The following HPCAL1 variants were observed in gnomAD, a reference collection of about 807,000 sequenced individuals.
HPCAL1 encodes hippocalcin like 1.
A neutral mutation model predicts 17.1 loss-of-function variants in HPCAL1; 8 were observed. That is an observed-to-expected ratio of 0.47 (90% CI 0.27 to 0.84). The LOEUF (loss-of-function observed/expected upper bound fraction) is 0.84. HPCAL1 is among the 40% of genes least tolerant of loss of function. The pLI, the probability that HPCAL1 is intolerant of heterozygous loss-of-function variation, is 0.13. For synonymous variants in HPCAL1, 112 were observed against 111.4 expected (o/e 1.01, Z -0.03); for missense variants, 165 against 271.1 (o/e 0.61, Z 2.75).
intron 2 of HPCAL1, among the ~76,000 whole-genome samples, chr2:10,412,898 A>T (rs1479400682): frequency 6.6e-6 from 1 of 152,140 alleles, no homozygotes; most frequent in Non-Finnish European, 1.5e-5. Context: ...TCATAGGCAC[A>T]GTCTTTCTTT....
chr2:10,407,665 C>T (rs1208788828), intron 2 of HPCAL1, among the ~76,000 whole-genome samples: 1 of 152,106 alleles, frequency 6.6e-6, no homozygotes, highest in African/African-American at 2.4e-5. Flanking sequence ...GAGGAGGTTT[C>T]CCCACGACTG....
rs190594463 is a variant in HPCAL1 at position 10,310,737 on chromosome 2, C to T, written c.-111+7560C>T. The stretch of plus-strand genomic sequence containing the variant: ...AGCATGGATCGGGTCTGGGAGTGTT[C>T]GTGCTGGCAGGCCGGAGGAGGACTG... On this transcript the variant is annotated intron_variant, in intron 1 of 4. Transcript: ENST00000307845. The surrounding 1 kb of genome is among the most constrained non-coding windows in gnomAD (Gnocchi z 4.5). Among the ~76,000 whole-genome samples, 1 of 152,070 alleles carries T rather than the reference C, an allele frequency of 6.6e-6. No individual in the cohort carries two copies. The highest frequency in any genetic ancestry group is 2.1e-4 in the South Asian group (1 of 4,822).
At chr2:10,418,111 G>A (rs1052827148) in intron 2 of HPCAL1, among the ~76,000 whole-genome samples, 3 of 151,932 alleles carry the variant, frequency 2.0e-5, no homozygotes, top group African/African-American at 7.2e-5. Context: ...ACAAAAACAT[G>A]TATGTACTAT....
At chr2:10,385,297 T>C (rs1668235749) in intron 1 of HPCAL1, among the ~76,000 whole-genome samples, 1 of 152,116 alleles carries the variant, frequency 6.6e-6, no homozygotes, top group Admixed American at 6.5e-5. Flanking sequence ...CTTACGTCCC[T>C]GGGGGACTCC....
chr2:10,326,152 G>C, intron 1 of HPCAL1, among the ~76,000 whole-genome samples: 1 of 152,178 alleles, frequency 6.6e-6, no homozygotes, highest in East Asian at 1.9e-4. Flanking sequence ...GTGAACAAAG[G>C]CATCCCAGAC....
intron 1 of HPCAL1, among the ~76,000 whole-genome samples, chr2:10,380,082 C>T (rs1411303161): frequency 1.4e-5 from 2 of 144,958 alleles, no homozygotes; most frequent in African/African-American, 2.6e-5. Flanking sequence ...TTTAATTGCA[C>T]GAGTACCTGC....
rs1670909327 is a variant in HPCAL1 at position 10,419,669 on chromosome 2, G to A, written c.-24-65G>A. ...AGCGATGGGCTTATTTGGTCTCTCC[G>A]GCACATGGCTCAGCCCTGCTCCGTG... On this transcript the variant is annotated intron_variant, in intron 2 of 4. Coordinates refer to ENST00000307845, the MANE Select transcript of HPCAL1 (RefSeq NM_002149.4). The surrounding 1 kb of genome is among the most constrained non-coding windows in gnomAD (Gnocchi z 5.0). 6.0e-6 allele frequency: 9 copies of A among 1,491,582 alleles called. No individual in the cohort carries two copies. The Admixed American group carries it at 6.4e-5, about 11-fold the overall frequency. 92.4% of individuals were successfully genotyped at this position (1,491,582 alleles called of 1,614,324 possible).
rs975118766 is a variant in HPCAL1, at chr2:10,343,757, T to C, written c.-111+40580T>C. 6.6e-6 allele frequency among the ~76,000 whole-genome samples: 1 copy of C among 152,184 alleles called. No homozygotes were observed. Among genetic ancestry groups the C allele is most frequent in the African/African-American group, 2.4e-5 (1 of 41,440 alleles). On this transcript the variant is annotated intron_variant, in intron 1 of 4. Coordinates refer to ENST00000307845, the MANE Select transcript of HPCAL1 (RefSeq NM_002149.4). This position sits in a 1 kb window ranked among gnomAD's most constrained non-coding sequence, Gnocchi z 4.8. ...ACTTTTAGATCAGTGGCAGATGGCA[T>C]AGAAAGTCTTTCTGCTGTTCTCTTG...
At chr2:10,319,254 A>G (rs994396893) in intron 1 of HPCAL1, among the ~76,000 whole-genome samples, 2 of 151,990 alleles carry the variant, frequency 1.3e-5, no homozygotes, top group African/African-American at 4.8e-5. Flanking sequence ...GTCAACCTGT[A>G]TTTTTCATTT....
Position 10,345,464 on chromosome 2 carries a change from C to CTT in HPCAL1, c.-111+42300_-111+42301dup, listed in dbSNP as rs60570271. 4.6e-3 allele frequency among the ~76,000 whole-genome samples: 671 copies of CTT among 144,638 alleles called. 11 individuals carry two copies. Among genetic ancestry groups the CTT allele is most frequent in the East Asian group, 0.024 (119 of 4,996 alleles). The allele number at this position is 144,638 out of a possible 152,430, so 94.9% of individuals were successfully genotyped here. A position where few individuals can be genotyped will look rare whatever the true frequency, so the allele number is the denominator to read the frequency against. ...CTATTTATTATTTGTCCTAGAAAAA[C>CTT]TTTTTTTTTTTTTTGAGACAGGGTC... On this transcript the variant is annotated intron_variant, in intron 1 of 4. Coordinates refer to ENST00000307845, the MANE Select transcript of HPCAL1 (RefSeq NM_002149.4).
chr2:10,351,928 G>A (rs577140902), intron 1 of HPCAL1, among the ~76,000 whole-genome samples: 266 of 136,942 alleles, frequency 1.9e-3, no homozygotes, highest in Non-Finnish European at 2.9e-3. Flanking sequence ...TTTTTTTGAC[G>A]GAGTCTCACT....
chr2:10,315,424 C>A (rs1663255697), intron 1 of HPCAL1, among the ~76,000 whole-genome samples: 1 of 152,052 alleles, frequency 6.6e-6, no homozygotes, highest in South Asian at 2.1e-4. Context: ...GATCATGGGT[C>A]TTTCTTGATT....
At chr2:10,332,547 C>T (rs1325722434) in intron 1 of HPCAL1, among the ~76,000 whole-genome samples, 1 of 152,024 alleles carries the variant, frequency 6.6e-6, no homozygotes, top group Non-Finnish European at 1.5e-5. Context: ...CCCCTGTACT[C>T]CCTAGCTGGG....
intron 2 of HPCAL1, among the ~76,000 whole-genome samples, chr2:10,417,450 A>C (rs1670748269): frequency 6.6e-6 from 1 of 152,168 alleles, no homozygotes; most frequent in Non-Finnish European, 1.5e-5. Context: ...TTTCCTCATA[A>C]GCCCTTCCAG....
chr2:10,382,950 C>G (rs572159191), intron 1 of HPCAL1, among the ~76,000 whole-genome samples: 7 of 152,314 alleles, frequency 4.6e-5, no homozygotes, highest in Non-Finnish European at 7.3e-5. Context: ...AGGGGAGTGG[C>G]GGCTCGCTTG....
At chr2:10,313,960 G>A (rs2884209) in intron 1 of HPCAL1, among the ~76,000 whole-genome samples, 94,705 of 151,584 alleles carry the variant, frequency 0.62, 30,257 homozygotes, top group East Asian at 0.91. Flanking sequence ...GTGAAACCCC[G>A]TCTCTACTAA....
chr2:10,329,594 C>T (rs1041763298), intron 1 of HPCAL1, among the ~76,000 whole-genome samples: 6 of 152,248 alleles, frequency 3.9e-5, no homozygotes, highest in African/African-American at 1.4e-4. Flanking sequence ...GGACCTGTGT[C>T]CACAGACAGA....
In HPCAL1 at chr2:10,403,454, T is replaced by TTGTG. The variant is rs70948890; in HGVS notation, c.-25+6581_-25+6584dup. 2.0e-3 allele frequency among the ~76,000 whole-genome samples: 128 copies of TTGTG among 65,052 alleles called. 1 individual carries two copies. The highest frequency in any genetic ancestry group is 3.5e-3 in the Admixed American group (29 of 8,282). 42.7% of individuals were successfully genotyped at this position (65,052 alleles called of 152,430 possible). On this transcript the variant is annotated intron_variant, in intron 2 of 4. Transcript: ENST00000307845. ...GATGCCCTCATAACAAAGAGTTCTTTTGTGTGTGTGTGTGTGTGTGTGTGT... is the reference window on the plus strand; with the variant it reads ...GATGCCCTCATAACAAAGAGTTCTTTTGTGTGTGTGTGTGTGTGTGTGTGTGTGT...
At chr2:10,327,449 C>T (rs1389248872) in intron 1 of HPCAL1, among the ~76,000 whole-genome samples, 2 of 152,132 alleles carry the variant, frequency 1.3e-5, no homozygotes, top group African/African-American at 4.8e-5. Context: ...CTGTGAGCCC[C>T]AGGCAAGTCA....
Sources: allele counts gnomAD v4.1 joint callset (sites outside exome capture counted in the v4.1 genomes callset), GRCh38; gene constraint gnomAD v4.1.1; non-coding constraint Gnocchi (gnomAD v3.1); transcripts MANE v1.5; gene names NCBI Gene and HGNC (gene_info 2026-07-23, HGNC 2026-07-21).